SEMA3D: variants seen among roughly 807,000 people sequenced by gnomAD.
SEMA3D encodes semaphorin-3D.
In SEMA3D, 84 loss-of-function variants were observed where a neutral mutation model predicts 100.1. The observed-to-expected ratio is 0.84, with a 90% CI of 0.70 to 1.01. SEMA3D has a LOEUF of 1.01. SEMA3D is among the 50% of genes least tolerant of loss of function. SEMA3D has a pLI of 0.00. For synonymous variants in SEMA3D, 312 were observed against 320.7 expected, an observed-to-expected ratio of 0.97 and a Z score of 0.29; for missense variants, 875 against 934.1, an observed-to-expected ratio of 0.94 and a Z score of 0.82.
the SEMA3D span, among the ~76,000 whole-genome samples, chr7:85,197,465 C>A: frequency 6.6e-6 from 1 of 151,606 alleles, no homozygotes; most frequent in Non-Finnish European, 1.5e-5. Context: ...GAAACCCCCA[C>A]CACCCCCACC....
rs1323783350 is a variant in SEMA3D, at chr7:85,037,164, A to G, written c.1047-131T>C. 23 of 731,270 alleles carry G rather than the reference A, an allele frequency of 3.1e-5. No homozygotes were observed. The South Asian group carries it at 3.6e-4, about 12-fold the overall frequency. 45.3% of individuals were successfully genotyped at this position (731,270 alleles called of 1,614,324 possible). A position where few individuals can be genotyped will look rare whatever the true frequency, so the allele number is the denominator to read the frequency against. The stretch of plus-strand genomic sequence containing the variant: ...ATTAAATTTGATGGGTACTGTAGAC[A>G]CAATGTGCCTACGTCCTCAAGTGGC... On this transcript the variant is annotated intron_variant, in intron 11 of 18. Transcript: ENST00000284136.
chr7:85,096,721 T>C (rs532324334), intron 4 of SEMA3D, among the ~76,000 whole-genome samples: 26 of 152,042 alleles, frequency 1.7e-4, no homozygotes, highest in African/African-American at 6.0e-4. Context: ...CATATGAAGA[T>C]AAATATTTTG....
chr7:85,099,186 C>G (rs1788668474), intron 3 of SEMA3D, among the ~76,000 whole-genome samples: 2 of 151,964 alleles, frequency 1.3e-5, no homozygotes, highest in African/African-American at 4.8e-5. Flanking sequence ...TGTGTCCCCA[C>G]CCAAATCTTA....
chr7:85,091,800 T>C (rs1213713807), intron 4 of SEMA3D, among the ~76,000 whole-genome samples: 1 of 152,070 alleles, frequency 6.6e-6, no homozygotes, highest in Non-Finnish European at 1.5e-5. Flanking sequence ...GAATGATAAA[T>C]AGATATAAAT....
chr7:85,050,121 A>G (rs2116044340), intron 9 of SEMA3D, among the ~76,000 whole-genome samples: 1 of 149,002 alleles, frequency 6.7e-6, no homozygotes, highest in Non-Finnish European at 1.5e-5. Flanking sequence ...ACACACACAC[A>G]GAGACAGAGT....
chr7:85,157,229 G>T (rs909748811), intron 1 of SEMA3D, among the ~76,000 whole-genome samples: 2 of 152,154 alleles, frequency 1.3e-5, no homozygotes, highest in African/African-American at 4.8e-5. Context: ...TACTAAAAAT[G>T]TGGCAGTTAA....
At chr7:85,067,811 G>A (rs540769267) in intron 7 of SEMA3D, among the ~76,000 whole-genome samples, 3 of 151,982 alleles carry the variant, frequency 2.0e-5, no homozygotes, top group African/African-American at 7.2e-5. Context: ...TGATTAATTT[G>A]GTTTAATTTA....
intron 2 of SEMA3D, chr7:85,142,456 G>A: frequency 1.0e-6 from 1 of 965,246 alleles, no homozygotes; most frequent in Non-Finnish European, 1.2e-6. Flanking sequence ...AAAAGACACA[G>A]ATTACATCAG....
chr7:85,223,745 G>T, the SEMA3D span, among the ~76,000 whole-genome samples: 1 of 152,012 alleles, frequency 6.6e-6, no homozygotes, highest in Non-Finnish European at 1.5e-5. Flanking sequence ...ATAATACAAT[G>T]AACTTTGGGG....
the SEMA3D span, among the ~76,000 whole-genome samples, chr7:85,231,355 T>G: frequency 6.6e-6 from 1 of 152,122 alleles, no homozygotes; most frequent in Non-Finnish European, 1.5e-5. Flanking sequence ...CTGCTGTATG[T>G]TTTTTAGAAA....
At chr7:85,201,268 C>T in the SEMA3D span, among the ~76,000 whole-genome samples, 3 of 152,284 alleles carry the variant, frequency 2.0e-5, no homozygotes, top group East Asian at 1.9e-4. Context: ...TCCCTAGAAG[C>T]TGTGCTTTCT....
At chr7:85,154,056 G>T (rs1250808427) in intron 1 of SEMA3D, among the ~76,000 whole-genome samples, 1 of 151,794 alleles carries the variant, frequency 6.6e-6, no homozygotes, top group Non-Finnish European at 1.5e-5. Context: ...AAATGTCTGG[G>T]CACCCCATGG....
At chr7:85,201,040 G>T in the SEMA3D span, among the ~76,000 whole-genome samples, 1 of 152,186 alleles carries the variant, frequency 6.6e-6, no homozygotes, top group Admixed American at 6.5e-5. Flanking sequence ...AGAGAAGTTT[G>T]GGTATGTGGA....
intron 2 of SEMA3D, among the ~76,000 whole-genome samples, chr7:85,150,534 T>C (rs1790350544): frequency 6.8e-6 from 1 of 147,444 alleles, no homozygotes; most frequent in African/African-American, 2.5e-5. Context: ...ATATTATATA[T>C]ATAGAATATA....
At chr7:85,133,566 T>A (rs1789783953) in intron 2 of SEMA3D, among the ~76,000 whole-genome samples, 1 of 151,986 alleles carries the variant, frequency 6.6e-6, no homozygotes, top group Non-Finnish European at 1.5e-5. Context: ...ATAATTAAAC[T>A]TATTTGTTTT....
chr7:85,104,236 A>C (rs1788836967), intron 3 of SEMA3D, among the ~76,000 whole-genome samples: 3 of 152,094 alleles, frequency 2.0e-5, no homozygotes, highest in Admixed American at 2.0e-4. Flanking sequence ...TCCTGTCCTC[A>C]TGGAACTCAC....
intron 5 of SEMA3D, among the ~76,000 whole-genome samples, chr7:85,074,439 TTAA>T (rs1791864184): frequency 6.6e-6 from 1 of 152,180 alleles, no homozygotes; most frequent in African/African-American, 2.4e-5. Context: ...AGACAATGAC[TTAA>T]TGATAGGATT....
At chr7:85,142,215 C>T (rs1790072475) in intron 2 of SEMA3D, 2 of 982,630 alleles carry the variant, frequency 2.0e-6, no homozygotes, top group Non-Finnish European at 2.4e-6. Flanking sequence ...CTTATTTAAT[C>T]AAGGTTTGAG....
chr7:85,046,612 T>G (rs1423781051), intron 9 of SEMA3D, among the ~76,000 whole-genome samples: 1 of 151,938 alleles, frequency 6.6e-6, no homozygotes, highest in Non-Finnish European at 1.5e-5. Context: ...AATGACTGGA[T>G]AGTAACTCTT....
Sources: gnomAD v4.1 joint callset for allele counts (sites outside exome capture counted in the v4.1 genomes callset) on GRCh38, gnomAD v4.1.1 for gene constraint, MANE v1.5 for transcripts, NCBI Gene and HGNC (gene_info 2026-07-23, HGNC 2026-07-21) for gene names.